Variants in LSAMP observed in about 807,000 individuals in gnomAD.
The protein encoded by LSAMP is limbic system associated membrane protein, also known as limbic system-associated membrane protein.
Under a neutral mutation model 38.6 loss-of-function variants are expected in LSAMP, and 7 were observed. That is an observed-to-expected ratio of 0.18 (90% confidence interval 0.10 to 0.34). The LOEUF (loss-of-function observed/expected upper bound fraction) is 0.34. Among genes scored for constraint, LSAMP ranks in the 10% least tolerant of loss-of-function variants. The probability of loss-of-function intolerance (pLI) is 1.00; values close to 1 mark genes in which losing one functional copy is unlikely to be tolerated. For synonymous variants in LSAMP, 154 were observed against 166.8 expected (o/e 0.92, Z 0.59); for missense variants, 313 against 420.0 (o/e 0.75, Z 2.23).
At chr3:116,071,956 T>C (rs1367400978) in intron 2 of LSAMP, among the ~76,000 whole-genome samples, 1 of 151,614 alleles carries the variant, frequency 6.6e-6, no homozygotes, top group African/African-American at 2.4e-5. Flanking sequence ...TGCATAGTAT[T>C]CCATGGTGTA....
chr3:115,939,581 T>TTTCG (rs1553751092), intron 3 of LSAMP, among the ~76,000 whole-genome samples: 74 of 150,874 alleles, frequency 4.9e-4, no homozygotes, highest in African/African-American at 1.8e-3. Flanking sequence ...TCTTTCTTTC[T>TTTCG]TTCTGTTAAG....
intron 1 of LSAMP, among the ~76,000 whole-genome samples, chr3:116,440,894 G>GA (rs35548776): frequency 1.3e-5 from 2 of 152,186 alleles, no homozygotes; most frequent in Non-Finnish European, 2.9e-5. Flanking sequence ...GTAAGTCATA[G>GA]AAAATCACAT....
chr3:115,987,641 A>C (rs1256736313), intron 3 of LSAMP, among the ~76,000 whole-genome samples: 2 of 152,172 alleles, frequency 1.3e-5, no homozygotes, highest in Non-Finnish European at 2.9e-5. Flanking sequence ...TATCAGATAG[A>C]ATGTAGTTTT....
chr3:115,987,409 T>C (rs764280998), intron 3 of LSAMP, among the ~76,000 whole-genome samples: 2 of 152,168 alleles, frequency 1.3e-5, no homozygotes, highest in Non-Finnish European at 2.9e-5. Context: ...GAATGATACA[T>C]ACAGGACTGC....
intron 1 of LSAMP, among the ~76,000 whole-genome samples, chr3:116,436,980 C>CAT (rs992441364): frequency 4.2e-4 from 63 of 148,356 alleles, no homozygotes; most frequent in East Asian, 1.2e-3. Context: ...GAAAGTGTGG[C>CAT]ATATATATAT....
intron 1 of LSAMP, among the ~76,000 whole-genome samples, chr3:116,237,411 G>A (rs2046479444): frequency 6.6e-6 from 1 of 152,100 alleles, no homozygotes; most frequent in Non-Finnish European, 1.5e-5. Flanking sequence ...CAATGCTAAT[G>A]ATTGTTGATA....
chr3:116,234,486 ATAAAT>A (rs1189922962), intron 1 of LSAMP, among the ~76,000 whole-genome samples: 30 of 86,492 alleles, frequency 3.5e-4, no homozygotes, highest in African/African-American at 8.6e-4. Context: ...TATCTATGAA[ATAAAT>A]TAATCTACTT....
intron 2 of LSAMP, among the ~76,000 whole-genome samples, chr3:116,021,591 T>C (rs1445953660): frequency 6.6e-6 from 1 of 152,188 alleles, no homozygotes; most frequent in Admixed American, 6.5e-5. Flanking sequence ...GAAAGCTATA[T>C]AGTAATTCTA....
At chr3:116,235,401 C>A (rs2046452465) in intron 1 of LSAMP, among the ~76,000 whole-genome samples, 1 of 152,070 alleles carries the variant, frequency 6.6e-6, no homozygotes, top group Non-Finnish European at 1.5e-5. Context: ...TAGGCATGAG[C>A]CACCACACCC....
chr3:116,050,577 G>A (rs1054227443), intron 2 of LSAMP, among the ~76,000 whole-genome samples: 5 of 151,840 alleles, frequency 3.3e-5, no homozygotes, highest in African/African-American at 4.8e-5. Flanking sequence ...AAAAATGGGT[G>A]CTTTAGCCTA....
At chr3:115,910,071 T>C (rs1213504373) in intron 3 of LSAMP, among the ~76,000 whole-genome samples, 2 of 152,198 alleles carry the variant, frequency 1.3e-5, no homozygotes, top group Non-Finnish European at 2.9e-5. Context: ...ATTTGATCAT[T>C]ATATTTACCC....
chr3:116,098,281 C>T (rs1230844160), intron 1 of LSAMP, among the ~76,000 whole-genome samples: 1 of 151,908 alleles, frequency 6.6e-6, no homozygotes, highest in Non-Finnish European at 1.5e-5. Context: ...GGAGGATCAC[C>T]TGAGATCAGG....
chr3:116,325,036 C>A (rs1480943030), intron 1 of LSAMP, among the ~76,000 whole-genome samples: 2 of 151,422 alleles, frequency 1.3e-5, no homozygotes, highest in Non-Finnish European at 2.9e-5. Flanking sequence ...GCTTCTTGGC[C>A]ATATCTAGAA....
At position 115,808,993 on chromosome 3, in the gene LSAMP, G is replaced by T. The variant is rs1249565171; in HGVS notation, c.*1324C>A. 6.6e-6 allele frequency: 1 copy of T among 152,180 alleles called. No individual in the cohort carries two copies. Among genetic ancestry groups the T allele is most frequent in the Admixed American group, 6.5e-5 (1 of 15,284 alleles). 9.4% of individuals were successfully genotyped at this position (152,180 alleles called of 1,614,324 possible). A position where few individuals can be genotyped will look rare whatever the true frequency, so the allele number is the denominator to read the frequency against. ...ATTAGGGAGGAGGTAAAACAGGGCT[G>T]CTTAGGATCTCCAAGTGGTTCATCA... On this transcript the variant is annotated 3_prime_UTR_variant, in exon 7 of 7. Coordinates refer to ENST00000490035, the MANE Select transcript of LSAMP (RefSeq NM_002338.5).
chr3:116,065,228 A>G (rs1707394220), intron 2 of LSAMP, among the ~76,000 whole-genome samples: 1 of 152,228 alleles, frequency 6.6e-6, no homozygotes, highest in Non-Finnish European at 1.5e-5. Context: ...CAGTATGCTG[A>G]AGGTGGGTCT....
At chr3:116,307,943 C>T (rs1279417121) in intron 1 of LSAMP, among the ~76,000 whole-genome samples, 1 of 151,796 alleles carries the variant, frequency 6.6e-6, no homozygotes, top group Admixed American at 6.6e-5. Context: ...GCCTCAATTT[C>T]CCTATTTATA....
At chr3:116,439,403 C>T (rs1050735109) in intron 1 of LSAMP, among the ~76,000 whole-genome samples, 1 of 151,404 alleles carries the variant, frequency 6.6e-6, no homozygotes, top group South Asian at 2.1e-4. Flanking sequence ...ATCAGCATCA[C>T]CTGAGAACTT....
At chr3:116,001,686 T>A (rs995681670) in intron 3 of LSAMP, among the ~76,000 whole-genome samples, 9 of 152,162 alleles carry the variant, frequency 5.9e-5, no homozygotes, top group African/African-American at 1.9e-4. Context: ...GTGGCCGCCT[T>A]CTCCATCTTC....
intron 1 of LSAMP, among the ~76,000 whole-genome samples, chr3:116,203,472 A>C (rs971100823): frequency 6.6e-6 from 1 of 151,836 alleles, no homozygotes; most frequent in Admixed American, 6.6e-5. Flanking sequence ...ATATGTATAC[A>C]TGTGACATGC....
Sources: allele counts gnomAD v4.1 joint callset (sites outside exome capture counted in the v4.1 genomes callset), GRCh38; gene constraint gnomAD v4.1.1; transcripts MANE v1.5; gene names NCBI Gene and HGNC (gene_info 2026-07-23, HGNC 2026-07-21).